GSG1L: variants seen among roughly 807,000 people sequenced by gnomAD.
GSG1L encodes GSG1 like.
In GSG1L, 24 loss-of-function variants were observed where a neutral mutation model predicts 42.1. That is an observed-to-expected ratio of 0.57 (90% CI 0.41 to 0.80). The LOEUF (loss-of-function observed/expected upper bound fraction) is 0.80. Ranked by LOEUF, GSG1L falls within the 30% of genes least tolerant of loss-of-function variation. The pLI is 0.00. For missense variants in GSG1L, 445 were observed against 472.2 expected (o/e 0.94, Z 0.53); for synonymous variants, 215 against 203.5 (o/e 1.06, Z -0.48).
chr16:27,981,981 A>G (rs1567543959), intron 1 of GSG1L, among the ~76,000 whole-genome samples: 1 of 152,224 alleles, frequency 6.6e-6, no homozygotes, highest in Non-Finnish European at 1.5e-5. Context: ...TAAAATGGTT[A>G]TAATTGTCAC....
At chr16:27,808,740 G>A (rs1262131152) in intron 5 of GSG1L, among the ~76,000 whole-genome samples, 5 of 152,134 alleles carry the variant, frequency 3.3e-5, no homozygotes, top group Admixed American at 3.3e-4. Flanking sequence ...CCAAATTCTG[G>A]TACAGTGTTC....
At chr16:27,903,596 A>C (rs1395450543) in intron 2 of GSG1L, among the ~76,000 whole-genome samples, 1 of 152,136 alleles carries the variant, frequency 6.6e-6, no homozygotes, top group East Asian at 1.9e-4. Flanking sequence ...ACCAAAGCCC[A>C]TTTTGAGTGC....
intron 2 of GSG1L, among the ~76,000 whole-genome samples, chr16:27,956,168 G>C (rs2085003033): frequency 6.6e-6 from 1 of 152,182 alleles, no homozygotes; most frequent in South Asian, 2.1e-4. Flanking sequence ...TTTCATGACT[G>C]TTAATAGTTA....
chr16:27,947,598 A>AG (rs1567530979), intron 2 of GSG1L, among the ~76,000 whole-genome samples: 8 of 74,718 alleles, frequency 1.1e-4, no homozygotes, highest in African/African-American at 6.8e-4. Context: ...AGAAAGAAAG[A>AG]AAAAGAAAGA....
At chr16:27,819,454 C>T (rs2083128631) in intron 5 of GSG1L, among the ~76,000 whole-genome samples, 1 of 152,148 alleles carries the variant, frequency 6.6e-6, no homozygotes, top group South Asian at 2.1e-4. Flanking sequence ...CAGCACGAAA[C>T]CTCCAGACAG....
At chr16:27,901,883 C>G (rs998397326) in intron 2 of GSG1L, among the ~76,000 whole-genome samples, 6 of 152,216 alleles carry the variant, frequency 3.9e-5, no homozygotes, top group Non-Finnish European at 8.8e-5. Context: ...AGCTCCCTTC[C>G]TCCAAAGCCA....
intron 1 of GSG1L, among the ~76,000 whole-genome samples, chr16:27,995,455 G>A (rs886185802): frequency 1.3e-5 from 2 of 152,184 alleles, no homozygotes; most frequent in Non-Finnish European, 2.9e-5. Context: ...CCTCGATGCT[G>A]TAAAAATCAT....
At chr16:28,026,728 C>T (rs1347976309) in intron 1 of GSG1L, among the ~76,000 whole-genome samples, 13 of 152,160 alleles carry the variant, frequency 8.5e-5, no homozygotes, top group Non-Finnish European at 1.9e-4. Context: ...TCAGATACTG[C>T]GTGTGTCCCA....
intron 6 of GSG1L, among the ~76,000 whole-genome samples, chr16:27,797,940 T>C (rs2082838685): frequency 6.6e-6 from 1 of 151,256 alleles, no homozygotes; most frequent in Admixed American, 6.6e-5. Context: ...AAAAATCAAG[T>C]ATCACATGTT....
chr16:27,791,162 T>C lies in GSG1L; in HGVS notation c.*208A>G. On this transcript the variant is annotated 3_prime_UTR_variant, in exon 7 of 7. Coordinates refer to ENST00000447459, the MANE Select transcript of GSG1L (RefSeq NM_001109763.2). ...GTCCCAAAGTCACTCTGTGCAGCCC[T>C]GTGCATTCCCTTGGGCCTGCCCTGG... is the stretch of plus-strand genomic sequence containing the variant. 1 of 394,082 alleles carries C rather than the reference T, an allele frequency of 2.5e-6. No individual in the cohort carries two copies. The highest frequency in any genetic ancestry group is 4.5e-6 in the Non-Finnish European group (1 of 223,054). 24.4% of individuals were successfully genotyped at this position (394,082 alleles called of 1,614,324 possible).
At chr16:27,802,857 G>C (rs2082899388) in intron 6 of GSG1L, among the ~76,000 whole-genome samples, 1 of 151,698 alleles carries the variant, frequency 6.6e-6, no homozygotes, top group Admixed American at 6.6e-5. Context: ...GTCTTGCTAT[G>C]TTGCCCAGGC....
chr16:27,899,355 T>C (rs1403288910), intron 2 of GSG1L, among the ~76,000 whole-genome samples: 1 of 152,144 alleles, frequency 6.6e-6, no homozygotes, highest in Admixed American at 6.5e-5. Flanking sequence ...TCAGACAAGT[T>C]ACCTCGCCTC....
In GSG1L at chr16:27,789,119, T is replaced by C. The variant is rs2082722798; in HGVS notation, c.*2251A>G. ...ACAAGGAAGGATGACAAGCAATCAATAGAAGATGGATAGATGGATGGATGA... is the reference window on the plus strand; with the variant it reads ...ACAAGGAAGGATGACAAGCAATCAACAGAAGATGGATAGATGGATGGATGA... On this transcript the variant is annotated 3_prime_UTR_variant, in exon 7 of 7. Coordinates refer to ENST00000447459, the MANE Select transcript of GSG1L (RefSeq NM_001109763.2). 6.6e-6 allele frequency: 1 copy of C among 152,158 alleles called. No individual in the cohort carries two copies. Among genetic ancestry groups the C allele is most frequent in the Non-Finnish European group, 1.5e-5 (1 of 68,048 alleles). 9.4% of individuals were successfully genotyped at this position (152,158 alleles called of 1,614,324 possible). A position where few individuals can be genotyped will look rare whatever the true frequency, so the allele number is the denominator to read the frequency against.
rs1420815079 is a variant in GSG1L at position 27,959,660 on chromosome 16, G to A, written c.397+3496C>T. ...GCGTGGGGCATGGTAGTGCGCACCT[G>A]TAGTCCCAGCTACTCGGAGCCTAAG... On this transcript the variant is annotated intron_variant, in intron 2 of 6. Transcript: ENST00000447459. Among the ~76,000 whole-genome samples, 3 of 152,096 alleles carry A rather than the reference G, an allele frequency of 2.0e-5. No individual in the cohort carries two copies. The East Asian group carries it at 5.8e-4, about 29-fold the overall frequency.
intron 1 of GSG1L, among the ~76,000 whole-genome samples, chr16:27,965,520 C>T (rs183448250): frequency 2.2e-4 from 34 of 152,258 alleles, no homozygotes; most frequent in Admixed American, 7.8e-4. Context: ...AAGCTCACTC[C>T]GGACTCTGCT....
chr16:28,052,585 C>T (rs1455909779), intron 1 of GSG1L, among the ~76,000 whole-genome samples: 1 of 152,144 alleles, frequency 6.6e-6, no homozygotes, highest in Non-Finnish European at 1.5e-5. Context: ...CCTTGACAGC[C>T]ATGGAAAATC....
intron 2 of GSG1L, among the ~76,000 whole-genome samples, chr16:27,938,114 T>C (rs1245090256): frequency 6.6e-6 from 1 of 152,136 alleles, no homozygotes; most frequent in Non-Finnish European, 1.5e-5. Flanking sequence ...GGGGTAGGGT[T>C]GCACCATGCA....
At chr16:27,843,392 C>T (rs1397075474) in intron 4 of GSG1L, among the ~76,000 whole-genome samples, 1 of 151,164 alleles carries the variant, frequency 6.6e-6, no homozygotes, top group Non-Finnish European at 1.5e-5. Context: ...AAAGTCATAA[C>T]CAGGATTTTA....
chr16:27,949,032 C>A (rs1237080520), intron 2 of GSG1L, among the ~76,000 whole-genome samples: 1 of 151,778 alleles, frequency 6.6e-6, no homozygotes, highest in Non-Finnish European at 1.5e-5. Flanking sequence ...ATCCTCCCAC[C>A]TCAGCCTTCC....
Sources: allele counts gnomAD v4.1 joint callset (sites outside exome capture counted in the v4.1 genomes callset), GRCh38; gene constraint gnomAD v4.1.1; transcripts MANE v1.5; gene names NCBI Gene and HGNC (gene_info 2026-07-23, HGNC 2026-07-21).